The following NKAIN2 variants were observed in gnomAD, a reference collection of about 807,000 sequenced individuals.
NKAIN2 encodes sodium/potassium-transporting ATPase subunit beta-1-interacting protein 2.
In NKAIN2, 14 loss-of-function variants were observed where a neutral mutation model predicts 32.6. The observed-to-expected ratio is 0.43, with a 90% CI of 0.28 to 0.67. The LOEUF (loss-of-function observed/expected upper bound fraction) is 0.67. Among genes scored for constraint, NKAIN2 ranks in the 30% least tolerant of loss-of-function variants. The pLI, the probability that NKAIN2 is intolerant of heterozygous loss-of-function variation, is 0.17. For missense variants in NKAIN2, 198 were observed against 258.3 expected, an observed-to-expected ratio of 0.77 and a Z score of 1.60; for synonymous variants, 80 against 87.2, an observed-to-expected ratio of 0.92 and a Z score of 0.46.
intron 1 of NKAIN2, among the ~76,000 whole-genome samples, chr6:124,267,472 C>A: frequency 7.5e-6 from 1 of 133,088 alleles, no homozygotes; most frequent in African/African-American, 3.0e-5. Flanking sequence ...TATGGCAAAA[C>A]CATGTCTCTA....
intron 1 of NKAIN2, among the ~76,000 whole-genome samples, chr6:123,950,732 A>G (rs1161112167): frequency 2.0e-5 from 3 of 151,826 alleles, no homozygotes; most frequent in African/African-American, 7.3e-5. Flanking sequence ...TATCTTTTCA[A>G]AAAACCAGCT....
At chr6:123,879,970 AG>A (rs1773373191) in intron 1 of NKAIN2, among the ~76,000 whole-genome samples, 1 of 152,180 alleles carries the variant, frequency 6.6e-6, no homozygotes, top group African/African-American at 2.4e-5. Flanking sequence ...GGGGAAGCCC[AG>A]GCTGGGGAGT....
chr6:124,395,855 G>T (rs1033742131), intron 3 of NKAIN2, among the ~76,000 whole-genome samples: 1 of 152,006 alleles, frequency 6.6e-6, no homozygotes, highest in Non-Finnish European at 1.5e-5. Context: ...ATTGTTATAT[G>T]TCCTATACAG....
At chr6:124,759,623 A>G (rs1778142603) in intron 4 of NKAIN2, among the ~76,000 whole-genome samples, 1 of 135,486 alleles carries the variant, frequency 7.4e-6, no homozygotes, top group Non-Finnish European at 1.6e-5. Flanking sequence ...ACACACACAC[A>G]CACACACACA....
intron 4 of NKAIN2, among the ~76,000 whole-genome samples, chr6:124,706,716 G>C (rs1403155065): frequency 1.3e-5 from 2 of 152,106 alleles, no homozygotes; most frequent in Admixed American, 6.6e-5. Context: ...ACAACAACAT[G>C]GCACCTAATC....
intron 3 of NKAIN2, among the ~76,000 whole-genome samples, chr6:124,506,789 A>G (rs994264783): frequency 2.0e-5 from 3 of 152,212 alleles, no homozygotes; most frequent in African/African-American, 7.2e-5. Context: ...GAACATGGCT[A>G]AAGACATAAC....
chr6:124,755,965 CT>C (rs1383686272), intron 4 of NKAIN2, among the ~76,000 whole-genome samples: 1 of 152,036 alleles, frequency 6.6e-6, no homozygotes, highest in Non-Finnish European at 1.5e-5. Flanking sequence ...AAGACTGTGT[CT>C]TTTCTACATT....
chr6:124,687,570 T>TTC (rs372591813), intron 4 of NKAIN2, among the ~76,000 whole-genome samples: 95 of 1,972 alleles, frequency 0.048, 21 homozygotes, highest in Non-Finnish European at 0.062. Flanking sequence ...ATGGTATATA[T>TTC]AATATATATT....
chr6:124,257,168 G>A (rs539896892), intron 1 of NKAIN2, among the ~76,000 whole-genome samples: 168 of 128,858 alleles, frequency 1.3e-3, no homozygotes, highest in African/African-American at 5.9e-3. Flanking sequence ...GATGGCTGAA[G>A]AATTTTGAGC....
At chr6:123,995,660 A>G (rs6910531) in intron 1 of NKAIN2, among the ~76,000 whole-genome samples, 62,191 of 151,972 alleles carry the variant, frequency 0.41, 13,024 homozygotes, top group East Asian at 0.61. Flanking sequence ...TAAAAGTCCA[A>G]AATAACTTTC....
At chr6:124,775,976 T>C (rs1380507461) in intron 4 of NKAIN2, among the ~76,000 whole-genome samples, 1 of 152,098 alleles carries the variant, frequency 6.6e-6, no homozygotes, top group Non-Finnish European at 1.5e-5. Context: ...CATAAGAGGA[T>C]CTGGTAATGT....
chr6:123,840,924 G>C lies in NKAIN2; in HGVS notation c.54+36670G>C, dbSNP rs547252638. On this transcript the variant is annotated intron_variant, in intron 1 of 6. Coordinates refer to ENST00000368417, the MANE Select transcript of NKAIN2 (RefSeq NM_001040214.3). The stretch of plus-strand genomic sequence containing the variant: ...AGGATTTTACAGCTTTCTGTAAAAG[G>C]AAAACAAATTGTTTCTTTGAGGCCA... 1.2e-4 allele frequency among the ~76,000 whole-genome samples: 19 copies of C among 152,180 alleles called. No individual in the cohort carries two copies. The South Asian group carries it at 3.7e-3, about 30-fold the overall frequency.
chr6:123,938,544 TTA>T (rs889430250), intron 1 of NKAIN2, among the ~76,000 whole-genome samples: 134 of 138,292 alleles, frequency 9.7e-4, no homozygotes, highest in African/African-American at 2.7e-3. Context: ...TTTTTATATA[TTA>T]TATATTTATA....
At chr6:124,509,714 A>T (rs1033161827) in intron 3 of NKAIN2, among the ~76,000 whole-genome samples, 1 of 152,198 alleles carries the variant, frequency 6.6e-6, no homozygotes, top group Non-Finnish European at 1.5e-5. Context: ...AATGAGCAAG[A>T]TGCAGAACCA....
intron 4 of NKAIN2, among the ~76,000 whole-genome samples, chr6:124,660,044 C>G (rs1189295858): frequency 6.6e-6 from 1 of 151,986 alleles, no homozygotes; most frequent in Non-Finnish European, 1.5e-5. Flanking sequence ...ATGGAAGTAG[C>G]CATTTCATTC....
chr6:123,942,644 T>A (rs192858070), intron 1 of NKAIN2, among the ~76,000 whole-genome samples: 1 of 152,156 alleles, frequency 6.6e-6, no homozygotes, highest in Admixed American at 6.6e-5. Flanking sequence ...TTATTGCTGA[T>A]ATTTTTGTTG....
intron 1 of NKAIN2, among the ~76,000 whole-genome samples, chr6:123,852,439 C>T (rs1316837907): frequency 6.6e-6 from 1 of 152,168 alleles, no homozygotes; most frequent in Non-Finnish European, 1.5e-5. Flanking sequence ...CTAACACCTT[C>T]CCAGTCTCCC....
At chr6:123,818,880 T>C (rs780336620) in intron 1 of NKAIN2, among the ~76,000 whole-genome samples, 2 of 152,280 alleles carry the variant, frequency 1.3e-5, no homozygotes, top group Middle Eastern at 6.8e-3. Context: ...CAAAACGTTA[T>C]AAACTTAGAA....
At chr6:124,358,735 T>C (rs1421720024) in intron 3 of NKAIN2, among the ~76,000 whole-genome samples, 2 of 151,920 alleles carry the variant, frequency 1.3e-5, no homozygotes, top group East Asian at 3.9e-4. Flanking sequence ...CTGTTCACTC[T>C]GATGGTAGTT....
Sources: gnomAD v4.1 joint callset for allele counts (sites outside exome capture counted in the v4.1 genomes callset) on GRCh38, gnomAD v4.1.1 for gene constraint, MANE v1.5 for transcripts, NCBI Gene and HGNC (gene_info 2026-07-23, HGNC 2026-07-21) for gene names.